UGT2B28: variants seen among roughly 807,000 people sequenced by gnomAD.
UGT2B28 encodes the protein UDP glucuronosyltransferase family 2 member B28, also known as UDP-glucuronosyltransferase 2B28.
A neutral mutation model predicts 43.6 loss-of-function variants in UGT2B28; 45 were observed. The observed-to-expected ratio is 1.03, with a 90% CI of 0.81 to 1.32. The LOEUF is 1.32. Ranked by LOEUF, UGT2B28 falls within the 40% of genes most tolerant of loss-of-function variation. The pLI is 0.00. For synonymous variants in UGT2B28, 204 were observed against 208.1 expected, an observed-to-expected ratio of 0.98 and a Z score of 0.17; for missense variants, 649 against 625.5, an observed-to-expected ratio of 1.04 and a Z score of -0.40.
rs1723879167 is a variant in UGT2B28, at chr4:69,289,418, A to G, written c.1003-247A>G. 1.4e-5 allele frequency among the ~76,000 whole-genome samples: 2 copies of G among 140,500 alleles called. 1 individual carries two copies. The highest frequency in any genetic ancestry group is 5.6e-5 in the African/African-American group (2 of 36,018). 92.2% of individuals were successfully genotyped at this position (140,500 alleles called of 152,430 possible). On this transcript the variant is annotated intron_variant, in intron 3 of 5. Coordinates refer to ENST00000335568, the MANE Select transcript of UGT2B28 (RefSeq NM_053039.2). ...TTTTAAAAAGTGTAACAATTTTTTGAATATTTGAACTTTTCATTGATAATC... is the reference window on the plus strand; with the variant it reads ...TTTTAAAAAGTGTAACAATTTTTTGGATATTTGAACTTTTCATTGATAATC...
At chr4:69,281,462 T>G (rs1473218791) in intron 1 of UGT2B28, among the ~76,000 whole-genome samples, 1 of 140,682 alleles carries the variant, frequency 7.1e-6, no homozygotes. Flanking sequence ...ACCTATATAT[T>G]AGTACACCTA....
At chr4:69,288,099 T>C (rs545222911) in intron 3 of UGT2B28, among the ~76,000 whole-genome samples, 1 of 138,868 alleles carries the variant, frequency 7.2e-6, no homozygotes, top group South Asian at 2.4e-4. Flanking sequence ...TTTGAGTTTA[T>C]TCAACAGCTT....
chr4:69,285,232 T>C (rs1412594290), intron 2 of UGT2B28, among the ~76,000 whole-genome samples: 1 of 140,216 alleles, frequency 7.1e-6, no homozygotes, highest in Non-Finnish European at 1.5e-5. Context: ...AAATCCATAA[T>C]AAAAAAATAC....
rs762673760 is a variant in UGT2B28 at position 69,293,551 on chromosome 4, C to G, written c.1311-979C>G. The stretch of plus-strand genomic sequence containing the variant: ...CACAGTTTGGCCAATAAAAGCCTCT[C>G]TTAGAGGTAACACTTAGAGGGAAGC... On this transcript the variant is annotated intron_variant, in intron 5 of 5. Coordinates refer to ENST00000335568, the MANE Select transcript of UGT2B28 (RefSeq NM_053039.2). 5.0e-5 allele frequency among the ~76,000 whole-genome samples: 7 copies of G among 140,228 alleles called. 2 individuals carry two copies. The highest frequency in any genetic ancestry group is 2.0e-4 in the African/African-American group (7 of 35,876). The allele number at this position is 140,228 out of a possible 152,430, so 92.0% of individuals were successfully genotyped here.
chr4:69,285,993 A>G lies in UGT2B28; in HGVS notation c.871-759A>G, dbSNP rs369355193. ...TTTCAGGGCAATAGGTGCTCCACCT[A>G]AACAATAACCTGAAAGGTACAATTA... On this transcript the variant is annotated intron_variant, in intron 2 of 5. Coordinates refer to ENST00000335568, the MANE Select transcript of UGT2B28 (RefSeq NM_053039.2). 2.6e-4 allele frequency among the ~76,000 whole-genome samples: 37 copies of G among 141,136 alleles called. 3 individuals are homozygous for G. In the East Asian group the frequency reaches 3.7e-3, roughly 14 times the overall value. The allele number at this position is 141,136 out of a possible 152,430, so 92.6% of individuals were successfully genotyped here.
chr4:69,288,076 A>C (rs1303171818), intron 3 of UGT2B28, among the ~76,000 whole-genome samples: 4 of 139,572 alleles, frequency 2.9e-5, no homozygotes, highest in Non-Finnish European at 6.1e-5. Context: ...GACCAAATTC[A>C]GCAAAATACA....
chr4:69,280,801 CA>C lies in UGT2B28; in HGVS notation c.306del (p.Asp103IlefsTer28), dbSNP rs759941435. 6.4e-7 allele frequency: 1 copy of C among 1,567,854 alleles called. No homozygotes were observed. Among genetic ancestry groups the C allele is most frequent in the Non-Finnish European group, 8.6e-7 (1 of 1,159,472 alleles). On this transcript the variant is annotated frameshift_variant, in exon 1 of 6. Transcript: ENST00000335568. LOFTEE classifies it high-confidence loss of function. ...MQQVKRWSDI[Q>X]KDSFWLYFSQ... ...ACAGGTTAAGAGATGGTCAGACATTCAAAAAGATAGCTTTTGGTTATATTTT... is the reference window on the plus strand; with the variant it reads ...ACAGGTTAAGAGATGGTCAGACATTCAAAAGATAGCTTTTGGTTATATTTT...
At chr4:69,293,450 T>C (rs1323489959) in intron 5 of UGT2B28, among the ~76,000 whole-genome samples, 2 of 140,258 alleles carry the variant, frequency 1.4e-5, no homozygotes, top group Non-Finnish European at 3.0e-5. Flanking sequence ...TTATGAGATA[T>C]ATAAATCATT....
At chr4:69,284,925 A>G (rs1723726120) in intron 2 of UGT2B28, among the ~76,000 whole-genome samples, 1 of 139,870 alleles carries the variant, frequency 7.1e-6, no homozygotes, top group Non-Finnish European at 1.5e-5. Context: ...GTGAAATCAT[A>G]AAAAAATCAA....
chr4:69,294,495 C>T lies in UGT2B28; in HGVS notation c.1311-35C>T, dbSNP rs200159720. ...TGATACATACAGGCCAGTTAACTTA[C>T]TTTCAGTGTTGGTATCTTTATTTTT... On this transcript the variant is annotated intron_variant, in intron 5 of 5. Coordinates refer to ENST00000335568, the MANE Select transcript of UGT2B28 (RefSeq NM_053039.2). 177 of 1,494,452 alleles carry T rather than the reference C, an allele frequency of 1.2e-4. 30 individuals carry two copies. The African/African-American group carries it at 2.6e-3, about 22-fold the overall frequency. The allele number at this position is 1,494,452 out of a possible 1,614,324, so 92.6% of individuals were successfully genotyped here. A position where few individuals can be genotyped will look rare whatever the true frequency, so the allele number is the denominator to read the frequency against.
At chr4:69,293,502 T>C (rs1357268427) in intron 5 of UGT2B28, among the ~76,000 whole-genome samples, 2 of 139,670 alleles carry the variant, frequency 1.4e-5, no homozygotes, top group East Asian at 4.1e-4. Context: ...GCACAGAAAA[T>C]AGAGAAAATT....
intron 3 of UGT2B28, among the ~76,000 whole-genome samples, chr4:69,288,337 GTCAA>G (rs1026965131): frequency 7.2e-6 from 1 of 138,712 alleles, no homozygotes; most frequent in African/African-American, 2.8e-5. Context: ...TTGCTATTTT[GTCAA>G]TCAAAGGACA....
chr4:69,282,755 G>T (rs1051400996), intron 2 of UGT2B28, 93 bp downstream of exon 2: 1 of 1,465,510 alleles, frequency 6.8e-7, no homozygotes, highest in Non-Finnish European at 9.0e-7. Context: ...GACTTACACT[G>T]AAAGAAAGAT....
rs558980577 is a variant in UGT2B28, at chr4:69,293,756, A to G, written c.1311-774A>G. On this transcript the variant is annotated intron_variant, in intron 5 of 5. Transcript: ENST00000335568. ...GAAAAGTGTTAGAAAAGAGCTTGCCAGTGTCTTAAAATGTAGGGTTCTGTA... is the reference window on the plus strand; with the variant it reads ...GAAAAGTGTTAGAAAAGAGCTTGCCGGTGTCTTAAAATGTAGGGTTCTGTA... Among the ~76,000 whole-genome samples, 3 of 140,732 alleles carry G rather than the reference A, an allele frequency of 2.1e-5. 1 individual carries two copies. The South Asian group carries it at 7.1e-4, about 33-fold the overall frequency. 92.3% of individuals were successfully genotyped at this position (140,732 alleles called of 152,430 possible).
rs775528559 is a variant in UGT2B28 at position 69,290,643 on chromosome 4, A to G, written c.1142A>G (p.Tyr381Cys). 1.3e-6 allele frequency: 2 copies of G among 1,559,540 alleles called. No homozygotes were observed. The highest frequency in any genetic ancestry group is 1.7e-6 in the Non-Finnish European group (2 of 1,155,214). Residue 381 changes from tyrosine (Y) to cysteine (C), a missense_variant, in exon 5 of 6, where the codon TAT (tyrosine) becomes TGT (cysteine). Coordinates refer to ENST00000335568, the MANE Select transcript of UGT2B28 (RefSeq NM_053039.2). Reference protein sequence around the residue: ...FITHGGANGIYEAIYHGIPMV... With the variant: ...FITHGGANGICEAIYHGIPMV... ...ACTCATGGTGGAGCCAATGGCATCTATGAGGCAATCTACCATGGGATCCCT... is the reference window on the plus strand; with the variant it reads ...ACTCATGGTGGAGCCAATGGCATCTGTGAGGCAATCTACCATGGGATCCCT...
chr4:69,281,869 C>G (rs914334127), intron 1 of UGT2B28, among the ~76,000 whole-genome samples: 2 of 140,560 alleles, frequency 1.4e-5, no homozygotes, highest in Non-Finnish European at 3.0e-5. Flanking sequence ...GAAACTATGT[C>G]TCTTTATTTA....
Position 69,290,764 on chromosome 4 carries a change from G to A in UGT2B28, c.1263G>A (p.Ser421=), listed in dbSNP as rs751057671. ...AAVRLDFHTM[S]STDLLNALKT... ...TTAGACTGGACTTCCACACAATGTC[G>A]AGTACAGACCTGCTGAATGCACTGA... Residue 421 remains serine, a synonymous_variant, in exon 5 of 6, where the codon TCG becomes TCA. Transcript: ENST00000335568. 1 of 1,559,658 alleles carries A rather than the reference G, an allele frequency of 6.4e-7. No individual in the cohort carries two copies. The highest frequency in any genetic ancestry group is 1.2e-5 in the South Asian group (1 of 84,396).
intron 2 of UGT2B28, 134 bp from the exon 3 acceptor site, chr4:69,286,618 T>C (rs1422471394): frequency 7.9e-7 from 1 of 1,268,230 alleles, no homozygotes; most frequent in African/African-American, 1.8e-5. Flanking sequence ...AGTGATTGAG[T>C]CAGTTAAAAA....
chr4:69,286,313 A>G (rs1723773183), intron 2 of UGT2B28, among the ~76,000 whole-genome samples: 1 of 141,364 alleles, frequency 7.1e-6, no homozygotes, highest in South Asian at 2.3e-4. Context: ...GCTTCAAACT[A>G]AAAGAATTCT....
Sources: allele counts gnomAD v4.1 joint callset (sites outside exome capture counted in the v4.1 genomes callset), GRCh38; gene constraint gnomAD v4.1.1; transcripts MANE v1.5; gene names NCBI Gene and HGNC (gene_info 2026-07-23, HGNC 2026-07-21).